The following CDKL2 variants were observed in gnomAD, a reference collection of about 807,000 sequenced individuals.
CDKL2 encodes the protein cyclin dependent kinase like 2.
In CDKL2, 64 loss-of-function variants were observed where a neutral mutation model predicts 63.9. The observed-to-expected ratio is 1.00, with a 90% CI of 0.82 to 1.23. The LOEUF is 1.23. Among genes scored for constraint, CDKL2 ranks in the 50% most tolerant of loss-of-function variants. The probability of loss-of-function intolerance (pLI) is 0.00; values close to 1 mark genes in which losing one functional copy is unlikely to be tolerated. For missense variants in CDKL2, 656 were observed against 668.0 expected (o/e 0.98, Z 0.20); for synonymous variants, 211 against 229.2 (o/e 0.92, Z 0.72).
chr4:75,595,968 GGAAGGAAAGA>G (rs1728899374), intron 10 of CDKL2: 4 of 133,426 alleles, frequency 3.0e-5, no homozygotes, highest in South Asian at 1.3e-4. Flanking sequence ...AAGGAAGGAA[GGAAGGAAAGA>G]AGGAAGGAAG....
intron 4 of CDKL2, 55 bp from the exon 5 acceptor site, chr4:75,605,689 C>A: frequency 8.5e-7 from 1 of 1,171,834 alleles, no homozygotes; most frequent in Non-Finnish European, 1.3e-6. Context: ...CTCCAAAACC[C>A]AAAGCTTTTT....
At position 75,579,079 on chromosome 4, in the gene CDKL2, AG is replaced by A. The variant is rs1728146227; in HGVS notation, c.*122del. 1 of 152,568 alleles carries A rather than the reference AG, an allele frequency of 6.6e-6. No homozygotes were observed. The highest frequency in any genetic ancestry group is 1.5e-5 in the Non-Finnish European group (1 of 68,040). The allele number at this position is 152,568 out of a possible 1,614,324, so 9.5% of individuals were successfully genotyped here. A position where few individuals can be genotyped will look rare whatever the true frequency, so the allele number is the denominator to read the frequency against. ...CTAGAAGGCCTTCCTCAGAAAATGC[AG>A]GCAGTTCAGAAGGAAATGATCAAAA... On this transcript the variant is annotated 3_prime_UTR_variant, in exon 14 of 14. Coordinates refer to ENST00000307465, the MANE Select transcript of CDKL2 (RefSeq NM_001330724.2).
intron 10 of CDKL2, among the ~76,000 whole-genome samples, chr4:75,594,544 T>C (rs1728837067): frequency 6.6e-6 from 1 of 152,014 alleles, no homozygotes; most frequent in Non-Finnish European, 1.5e-5. Context: ...TCTTACGTTC[T>C]AGCTGGGGGA....
intron 6 of CDKL2, 99 bp from the exon 7 acceptor site, chr4:75,600,468 T>C: frequency 1.3e-6 from 1 of 768,828 alleles, no homozygotes; most frequent in Non-Finnish European, 2.1e-6. Context: ...TCAACGATTT[T>C]TTTTTTTAAG....
At chr4:75,580,571 G>A in intron 13 of CDKL2, among the ~76,000 whole-genome samples, 1 of 151,156 alleles carries the variant, frequency 6.6e-6, no homozygotes, top group East Asian at 2.0e-4. Flanking sequence ...GGAGGCTGGG[G>A]TGGGAGGATC....
intron 7 of CDKL2, among the ~76,000 whole-genome samples, chr4:75,599,454 G>A (rs762010402): frequency 3.3e-5 from 5 of 150,534 alleles, no homozygotes; most frequent in Non-Finnish European, 5.9e-5. Context: ...CCAGCTACTC[G>A]GGAGGCTGAG....
intron 10 of CDKL2, among the ~76,000 whole-genome samples, chr4:75,594,167 G>A (rs1728816104): frequency 6.6e-6 from 1 of 151,832 alleles, no homozygotes; most frequent in African/African-American, 2.4e-5. Context: ...TAAATTTTAG[G>A]CCAGCCCTGG....
intron 2 of CDKL2, among the ~76,000 whole-genome samples, chr4:75,622,792 T>C (rs1051927575): frequency 1.4e-5 from 2 of 142,796 alleles, no homozygotes; most frequent in African/African-American, 5.2e-5. Context: ...GTTCATGAAC[T>C]GGATGCAATA....
chr4:75,596,028 GGAAGAAAGGAAGGA>G (rs1296450017), intron 10 of CDKL2: 1 of 48,254 alleles, frequency 2.1e-5, no homozygotes, highest in Non-Finnish European at 3.7e-5. Context: ...AAGGAAGGAA[GGAAGAAAGGAAGGA>G]AGGAGTTTTT....
At position 75,629,560 on chromosome 4, in the gene CDKL2, TG is replaced by T. The variant is rs562296541; in HGVS notation, c.-30+481del. 6.6e-5 allele frequency among the ~76,000 whole-genome samples: 10 copies of T among 152,326 alleles called. No homozygotes were observed. In the East Asian group the frequency reaches 1.7e-3, roughly 26 times the overall value. ...ACAAACGAAAAAGAAACCTGGCCAATGGGCAAGGTGTTATTTCTGGATGGTT... is the reference window on the plus strand; with the variant it reads ...ACAAACGAAAAAGAAACCTGGCCAATGGCAAGGTGTTATTTCTGGATGGTT... On this transcript the variant is annotated intron_variant, in intron 1 of 13. Transcript: ENST00000307465.
intron 2 of CDKL2, among the ~76,000 whole-genome samples, chr4:75,617,873 C>T (rs1371837701): frequency 2.0e-5 from 3 of 152,054 alleles, no homozygotes; most frequent in African/African-American, 4.8e-5. Flanking sequence ...GATGCCAAGG[C>T]GGACGGATCA....
At chr4:75,595,853 C>T (rs1191712453) in intron 10 of CDKL2, among the ~76,000 whole-genome samples, 2 of 151,318 alleles carry the variant, frequency 1.3e-5, no homozygotes, top group Non-Finnish European at 2.9e-5. Flanking sequence ...CACTTGAACC[C>T]AGGAGGTGGA....
Position 75,626,020 on chromosome 4 carries a change from G to C in CDKL2, c.-29-3C>G. On this transcript the variant is annotated splice_region_variant and splice_polypyrimidine_tract_variant and intron_variant, in intron 1 of 13. Coordinates refer to ENST00000307465, the MANE Select transcript of CDKL2 (RefSeq NM_001330724.2). ...TTAAAGTCCGTAGAAACTTTTTGCT[G>C]TGAAAACCAAAACATAGATTTAACA... is the stretch of plus-strand genomic sequence containing the variant. 2 of 1,576,406 alleles carry C rather than the reference G, an allele frequency of 1.3e-6. No homozygotes were observed. The highest frequency in any genetic ancestry group is 1.7e-6 in the Non-Finnish European group (2 of 1,159,386).
intron 12 of CDKL2, among the ~76,000 whole-genome samples, chr4:75,589,476 T>C (rs1240782032): frequency 6.6e-6 from 1 of 151,354 alleles, no homozygotes; most frequent in African/African-American, 2.4e-5. Flanking sequence ...GGCTAATTTT[T>C]TGTATTTTTA....
chr4:75,600,463 G>C (rs570531605), intron 6 of CDKL2, 94 bp from the exon 7 acceptor site: 12 of 824,932 alleles, frequency 1.5e-5, no homozygotes, highest in African/African-American at 3.5e-5. Context: ...TATAGTCAAC[G>C]ATTTTTTTTT....
intron 12 of CDKL2, among the ~76,000 whole-genome samples, chr4:75,589,379 A>T (rs968991916): frequency 2.2e-4 from 29 of 131,770 alleles, no homozygotes; most frequent in Admixed American, 7.6e-4. Context: ...ATCTCGGCTC[A>T]CTGCAAGCTC....
chr4:75,591,884 A>G lies in CDKL2; in HGVS notation c.1582T>C (p.Ser528Pro), dbSNP rs1728729213. The G allele has an allele frequency of 6.5e-7, 1 of 1,535,918 alleles. No homozygotes were observed. Among genetic ancestry groups the G allele is most frequent in the Non-Finnish European group, 8.7e-7 (1 of 1,146,874 alleles). Reference sequence around the variant, plus strand: ...GCCAGAGAAGGAATTCGAGATTCTGAAAGAATTTTGCTCTCTTTCTTTGTT... The same window carrying G: ...GCCAGAGAAGGAATTCGAGATTCTGGAAGAATTTTGCTCTCTTTCTTTGTT... ...RLTKKESKILSESRIPSLAAI... is the reference protein window; with the variant it reads ...RLTKKESKILPESRIPSLAAI... Residue 528 changes from serine to proline, a missense_variant, in exon 12 of 14, where the codon TCA (serine) becomes CCA (proline). Transcript: ENST00000307465.
At position 75,577,973 on chromosome 4, in the gene CDKL2, A is replaced by G. The variant is rs1480460997; in HGVS notation, c.*1229T>C. The G allele has an allele frequency of 6.8e-6, 1 of 148,142 alleles. No homozygotes were observed. Among genetic ancestry groups the G allele is most frequent in the African/African-American group, 2.5e-5 (1 of 40,146 alleles). 9.2% of individuals were successfully genotyped at this position (148,142 alleles called of 1,614,324 possible). A position where few individuals can be genotyped will look rare whatever the true frequency, so the allele number is the denominator to read the frequency against. On this transcript the variant is annotated 3_prime_UTR_variant, in exon 14 of 14. Transcript: ENST00000307465. ...AGTCAATGGCTTTGGAAAAAAAGCA[A>G]CACACTATTAATTAGTTAAGGCAAA...
intron 2 of CDKL2, among the ~76,000 whole-genome samples, chr4:75,618,036 G>A (rs1451488581): frequency 6.7e-6 from 1 of 149,080 alleles, no homozygotes; most frequent in East Asian, 2.1e-4. Context: ...AGGAGGCGGA[G>A]GTTGCAGTGA....
Sources: allele counts gnomAD v4.1 joint callset (sites outside exome capture counted in the v4.1 genomes callset), GRCh38; gene constraint gnomAD v4.1.1; transcripts MANE v1.5; gene names NCBI Gene and HGNC (gene_info 2026-07-23, HGNC 2026-07-21).